TTN: variants seen among roughly 807,000 people sequenced by gnomAD.
TTN encodes titin, also known as connectin.
TTN carries 1,525 observed loss-of-function variants against 3,223.0 expected under a neutral mutation model. The ratio of observed to expected loss-of-function variants is 0.47; its 90% CI spans 0.45 to 0.49. The LOEUF is 0.49. TTN is among the 20% of genes least tolerant of loss of function. TTN has a pLI of 0.00. For synonymous variants in TTN, 14,094 were observed against 15,161.0 expected, an observed-to-expected ratio of 0.93 and a Z score of 5.17; for missense variants, 40,786 against 43,424.0, an observed-to-expected ratio of 0.94 and a Z score of 5.40.
chr2:178,751,998 T>C (rs2085671726), intron 47 of TTN: 2 of 1,593,146 alleles, frequency 1.3e-6, no homozygotes, highest in Admixed American at 1.8e-5. Context: ...GCGTCACGTG[T>C]ATCCCTTTCT....
At position 178,559,266 on chromosome 2, in the gene TTN, A is replaced by G. The variant is rs371101493; in HGVS notation, c.86821+45T>C. The G allele has an allele frequency of 3.6e-5, 54 of 1,506,770 alleles. No homozygotes were observed. The African/African-American group carries it at 7.3e-4, about 20-fold the overall frequency. 93.3% of individuals were successfully genotyped at this position (1,506,770 alleles called of 1,614,324 possible). A position where few individuals can be genotyped will look rare whatever the true frequency, so the allele number is the denominator to read the frequency against. ...TTAGAATGACTCACACTATTCTAGC[A>G]AAATTAACGTGGATATGTAGAATTT... On this transcript the variant is annotated intron_variant, in intron 326 of 362. Transcript: ENST00000589042.
In TTN at chr2:178,537,065, C is replaced by T. The variant is rs56080118; in HGVS notation, c.100044G>A (p.Val33348=). 1 of 1,613,132 alleles carries T rather than the reference C, an allele frequency of 6.2e-7. No homozygotes were observed. The highest frequency in any genetic ancestry group is 1.3e-5 in the African/African-American group (1 of 75,018). ...TGAGGTTCACAATTCTACAGGTTGT[C>T]ACTGAGATGGCTGAAGACACCAATT... ...EWQLVSSAIS[V]TTCRIVNLTE... The change falls in exon 356 of 363, where the codon GTG becomes GTA. Residue 33348 remains valine, a synonymous_variant. Coordinates refer to ENST00000589042, the MANE Select transcript of TTN (RefSeq NM_001267550.2).
rs775247311 is a variant in TTN at position 178,740,238 on chromosome 2, A to G, written c.12995T>C (p.Leu4332Pro). 2 of 1,613,668 alleles carry G rather than the reference A, an allele frequency of 1.2e-6. No homozygotes were observed. The highest frequency in any genetic ancestry group is 2.2e-5 in the East Asian group (1 of 44,858). The change falls in exon 48 of 363, where the codon CTA (leucine) becomes CCA (proline). Residue 4332 changes from leucine (L) to proline (P), a missense_variant. Transcript: ENST00000589042. ...IEEGKSLRFP[L>P]ALEEKQVLLK... ...CAGTACCTGCTTTTCTTCAAGTGCT[A>G]GTGGAAATCTTAAGGACTTGCCTTC...
At position 178,560,590 on chromosome 2, in the gene TTN, C is replaced by A; in HGVS notation, c.85542G>T (p.Lys28514Asn). 1 of 1,613,416 alleles carries A rather than the reference C, an allele frequency of 6.2e-7. No homozygotes were observed. Among genetic ancestry groups the A allele is most frequent in the Non-Finnish European group, 8.5e-7 (1 of 1,179,736 alleles). ...ELQMTSCKVT[K>N]LLKGNEYIFR... ...ATATATATTCATTGCCTTTGAGTAA[C>A]TTGGTTACTTTACAGGATGTCATCT... is the stretch of plus-strand genomic sequence containing the variant. The change falls in exon 326 of 363, where the codon AAG becomes AAT. Residue 28514 changes from lysine (K) to asparagine (N), a missense_variant. By Grantham distance (94) the Lys-to-Asn change is moderately conservative. Transcript: ENST00000589042.
chr2:178,751,166 CTA>C (rs1483361592), intron 47 of TTN: 1 of 1,611,946 alleles, frequency 6.2e-7, no homozygotes, highest in East Asian at 2.2e-5. Flanking sequence ...CATGTCCTCT[CTA>C]GAGAACAGAA....
Position 178,583,663 on chromosome 2 carries a change from A to T in TTN, c.65519T>A (p.Val21840Glu). Residue 21840 changes from valine to glutamate, a missense_variant, in exon 312 of 363, where the codon GTA (valine) becomes GAA (glutamate). Physicochemically the swap from Val to Glu is moderately radical, Grantham distance 121. Coordinates refer to ENST00000589042, the MANE Select transcript of TTN (RefSeq NM_001267550.2). ...YQFRAIARTA[V>E]NISPPSEPSD... ...AGGTTCAGAAGGTGGGCTAATGTTT[A>T]CCGCGGTCCTGGCAATAGCTCTAAA... 6.2e-7 allele frequency: 1 copy of T among 1,612,206 alleles called. No homozygotes were observed. The highest frequency in any genetic ancestry group is 2.2e-5 in the East Asian group (1 of 44,582).
Position 178,790,748 on chromosome 2 carries a change from G to C in TTN, c.1760C>G (p.Thr587Ser). ...LETVPGAQEE[T>S]TTQQDQMHLS... ...GTGCATTTGATCTTGTTGTGTGGTA[G>C]TTTCTTCTTGAGCTCCCGGGACTGT... The change falls in exon 11 of 363, where the codon ACT (threonine) becomes AGT (serine). Residue 587 changes from threonine (T) to serine (S), a missense_variant. Thr to Ser is a moderately conservative substitution (Grantham distance 58, BLOSUM62 1). Transcript: ENST00000589042. 1 of 1,614,148 alleles carries C rather than the reference G, an allele frequency of 6.2e-7. No individual in the cohort carries two copies.
At position 178,767,767 on chromosome 2, in the gene TTN, C is replaced by G. The variant is rs1458652114; in HGVS notation, c.9463G>C (p.Glu3155Gln). Reference protein sequence around the residue: ...RDVRIRSIKKEVQVIEKQRAV... With the variant: ...RDVRIRSIKKQVQVIEKQRAV... Reference sequence around the variant, plus strand: ...TAGTATGTAGACAATACCTGAACCTCCTTTTTAATACTTCGGATGCGAACA... The same window carrying G: ...TAGTATGTAGACAATACCTGAACCTGCTTTTTAATACTTCGGATGCGAACA... The change falls in exon 40 of 363, where the codon GAG becomes CAG. Residue 3155 changes from glutamate (E) to glutamine (Q), a missense_variant. By Grantham distance (29) the Glu-to-Gln change is conservative. Transcript: ENST00000589042. The G allele has an allele frequency of 1.2e-6, 2 of 1,613,936 alleles. No individual in the cohort carries two copies. The highest frequency in any genetic ancestry group is 1.7e-6 in the Non-Finnish European group (2 of 1,180,002).
intron 240 of TTN, 133 bp downstream of exon 240, chr2:178,629,168 G>A: frequency 7.9e-7 from 1 of 1,263,306 alleles, no homozygotes; most frequent in East Asian, 2.8e-5. Context: ...GCAGAAATCA[G>A]GCTAAAGGCG....
In TTN at chr2:178,757,774, G is replaced by C. The variant is rs371315300; in HGVS notation, c.10446C>G (p.Val3482=). ...SSLRVHNGET[V]RFHARVSGIP... is the part of the protein sequence containing the mutation. ...TGCCAGAAACCCTCGCATGAAATCTGACTGTCTCCCCGTTGTGCACCCTGA... is the reference window on the plus strand; with the variant it reads ...TGCCAGAAACCCTCGCATGAAATCTCACTGTCTCCCCGTTGTGCACCCTGA... Residue 3482 remains valine, a synonymous_variant, in exon 45 of 363, where the codon GTC becomes GTG. Transcript: ENST00000589042. 3 of 1,613,626 alleles carry C rather than the reference G, an allele frequency of 1.9e-6. No individual in the cohort carries two copies. Among genetic ancestry groups the C allele is most frequent in the Non-Finnish European group, 2.5e-6 (3 of 1,179,726 alleles).
At position 178,572,986 on chromosome 2, in the gene TTN, A is replaced by C. The variant is rs372092427; in HGVS notation, c.73146T>G (p.Thr24382=). 2.5e-6 allele frequency: 4 copies of C among 1,613,146 alleles called. No homozygotes were observed. The highest frequency in any genetic ancestry group is 1.7e-6 in the Non-Finnish European group (2 of 1,179,496). Residue 24382 remains threonine (T), a synonymous_variant, in exon 326 of 363, where the codon ACT becomes ACG. Transcript: ENST00000589042. ...IVTPPAGLKA[T]SYTITGLTEN... is the part of the protein sequence containing the mutation. ...CTGTGAGGCCAGTGATAGTATACGA[A>C]GTTGCCTTGAGTCCTGCTGGTGGAG... is the stretch of plus-strand genomic sequence containing the variant.
Position 178,776,845 on chromosome 2 carries a change from T to G in TTN, c.5019A>C (p.Ala1673=). 6.2e-7 allele frequency: 1 copy of G among 1,614,114 alleles called. No individual in the cohort carries two copies. Among genetic ancestry groups the G allele is most frequent in the Non-Finnish European group, 8.5e-7 (1 of 1,180,012 alleles). The change falls in exon 28 of 363, where the codon GCA becomes GCC. Residue 1673 remains alanine (A), a synonymous_variant. Transcript: ENST00000589042. The part of the protein sequence containing the change: ...PRGTYRAKEI[A]APELEPLHLR... ...AATGGAGGGGCTCCAGTTCTGGGGC[T>G]GCAATCTCCTTTGCTCTATATGTCC...
At chr2:178,789,848 A>C (rs1426360859) in intron 12 of TTN, 130 bp downstream of exon 12, 1 of 1,150,274 alleles carries the variant, frequency 8.7e-7, no homozygotes, top group African/African-American at 1.5e-5. Context: ...TCTCATATTT[A>C]CCATTTTGTT....
Position 178,528,566 on chromosome 2 carries a change from G to A in TTN, c.107185C>T (p.Pro35729Ser). ...VLFTCEISGE[P>S]SPEIEWFKNN... Reference sequence around the variant, plus strand: ...TTAAACCATTCGATTTCAGGGGATGGCTCGCCACTGATTTCACAAGTAAAG... The same window carrying A: ...TTAAACCATTCGATTTCAGGGGATGACTCGCCACTGATTTCACAAGTAAAG... Residue 35729 changes from proline (P) to serine (S), a missense_variant, in exon 360 of 363, where the codon CCA (proline) becomes TCA (serine). By Grantham distance (74) the Pro-to-Ser change is moderately conservative. Transcript: ENST00000589042. 6.2e-7 allele frequency: 1 copy of A among 1,611,838 alleles called. No homozygotes were observed. Among genetic ancestry groups the A allele is most frequent in the Non-Finnish European group, 8.5e-7 (1 of 1,178,570 alleles).
intron 304 of TTN, 82 bp downstream of exon 304, chr2:178,588,456 G>T: frequency 1.4e-6 from 2 of 1,410,630 alleles, no homozygotes; most frequent in East Asian, 2.3e-5. Context: ...AGATTTAGAT[G>T]TTACATTAAC....
In TTN at chr2:178,528,579, T is replaced by C. The variant is rs1276566213; in HGVS notation, c.107172A>G (p.Glu35724=). Residue 35724 remains glutamate (E), a synonymous_variant, in exon 360 of 363, where the codon GAA becomes GAG. Transcript: ENST00000589042. Reference sequence around the variant, plus strand: ...TTTCAGGGGATGGCTCGCCACTGATTTCACAAGTAAAGAGAACATTTTGTC... The same window carrying C: ...TTTCAGGGGATGGCTCGCCACTGATCTCACAAGTAAAGAGAACATTTTGTC... ...NEGQNVLFTC[E]ISGEPSPEIE... The C allele has an allele frequency of 3.1e-6, 5 of 1,612,854 alleles. No individual in the cohort carries two copies. The South Asian group carries it at 5.5e-5, about 18-fold the overall frequency.
Position 178,636,055 on chromosome 2 carries a change from A to T in TTN, c.41516T>A (p.Ile13839Asn). The stretch of plus-strand genomic sequence containing the variant: ...AGCATCTGTGTCATCTGCATCGTTG[A>T]TGGTCAGAGCCCGCATCAAGCCAAT... ...GVIGLMRALT[I>N]NDADDTDAGT... The change falls in exon 226 of 363, where the codon ATC becomes AAC. Residue 13839 changes from isoleucine (I) to asparagine (N), a missense_variant. Physicochemically the swap from Ile to Asn is moderately radical, Grantham distance 149. Transcript: ENST00000589042. The surrounding 1 kb of genome is among the most constrained non-coding windows in gnomAD (Gnocchi z 4.3). 2 of 1,613,266 alleles carry T rather than the reference A, an allele frequency of 1.2e-6. No individual in the cohort carries two copies. Among genetic ancestry groups the T allele is most frequent in the Non-Finnish European group, 1.7e-6 (2 of 1,179,512 alleles).
rs772169998 is a variant in TTN, at chr2:178,548,315, A to G, written c.93311T>C (p.Met31104Thr). 3.1e-6 allele frequency: 5 copies of G among 1,613,870 alleles called. No individual in the cohort carries two copies. The highest frequency in any genetic ancestry group is 1.7e-6 in the Non-Finnish European group (2 of 1,179,814). The change falls in exon 339 of 363, where the codon ATG becomes ACG. Residue 31104 changes from methionine to threonine, a missense_variant. Met to Thr is a moderately conservative substitution (Grantham distance 81). Coordinates refer to ENST00000589042, the MANE Select transcript of TTN (RefSeq NM_001267550.2). This position sits in a 1 kb window ranked among gnomAD's most constrained non-coding sequence, Gnocchi z 4.3. ...TTCTGTGGCTACAATTGGTTCTGGC[A>G]TTTCATAGGGCTCACCAACACCATA... ...NEYGVGEPYE[M>T]PEPIVATEQP...
At position 178,663,066 on chromosome 2, in the gene TTN, A is replaced by G. The variant is rs1577084146; in HGVS notation, c.36701-11T>C. ...GCAGCACTTCAGGCACTTCAAAGAT[A>G]TTTGTAATTTGTGTTTAGAAAAGGT... On this transcript the variant is annotated splice_polypyrimidine_tract_variant and intron_variant, in intron 173 of 362. Coordinates refer to ENST00000589042, the MANE Select transcript of TTN (RefSeq NM_001267550.2). 1.9e-6 allele frequency: 3 copies of G among 1,595,956 alleles called. No homozygotes were observed. The South Asian group carries it at 3.3e-5, about 18-fold the overall frequency.
Sources: gnomAD v4.1 joint callset for allele counts on GRCh38, gnomAD v4.1.1 for gene constraint, Gnocchi (gnomAD v3.1) non-coding constraint, MANE v1.5 for transcripts, NCBI Gene and HGNC (gene_info 2026-07-23, HGNC 2026-07-21) for gene names.